Variants in ANXA6 observed in about 807,000 individuals in gnomAD.
ANXA6 encodes the protein annexin A6.
ANXA6 carries 71 observed loss-of-function variants against 95.4 expected under a neutral mutation model. The observed-to-expected ratio is 0.74, with a 90% CI of 0.61 to 0.91. The LOEUF (loss-of-function observed/expected upper bound fraction) is 0.91, where lower values mean the gene tolerates loss of function less well. Ranked by LOEUF, ANXA6 falls within the 40% of genes least tolerant of loss-of-function variation. The pLI, the probability that ANXA6 is intolerant of heterozygous loss-of-function variation, is 0.00. For missense variants in ANXA6, 830 were observed against 876.4 expected (o/e 0.95, Z 0.67); for synonymous variants, 289 against 315.9 (o/e 0.91, Z 0.90).
intron 1 of ANXA6, chr5:151,151,267 T>C (rs1444816821): frequency 6.6e-6 from 1 of 152,188 alleles, no homozygotes; most frequent in Non-Finnish European, 1.5e-5. Flanking sequence ...TGGCTTCTGA[T>C]CCCTCCCAGA....
intron 2 of ANXA6, among the ~76,000 whole-genome samples, chr5:151,143,841 C>T (rs1245974250): frequency 6.6e-6 from 1 of 152,044 alleles, no homozygotes; most frequent in Non-Finnish European, 1.5e-5. Flanking sequence ...CTGGAGGTGA[C>T]GTCTAAGCTG....
At chr5:151,136,761 A>G (rs757611569) in intron 6 of ANXA6, among the ~76,000 whole-genome samples, 3 of 152,026 alleles carry the variant, frequency 2.0e-5, no homozygotes, top group Non-Finnish European at 2.9e-5. Context: ...CCTGTCCTCT[A>G]CCTGTCTAGC....
Position 151,123,461 on chromosome 5 carries a change from G to A in ANXA6, c.1139-450C>T, listed in dbSNP as rs75128807. 8.3e-4 allele frequency among the ~76,000 whole-genome samples: 126 copies of A among 152,280 alleles called. 1 individual carries two copies. The East Asian group carries it at 0.023, about 28-fold the overall frequency. On this transcript the variant is annotated intron_variant, in intron 15 of 25. Transcript: ENST00000354546. ...TTTCTCTTCAGCTCTCTGGAAGCTG[G>A]ACCCTGAGTCCCTCTAACCACAGCA...
chr5:151,111,504 T>C (rs1764848629), intron 20 of ANXA6, among the ~76,000 whole-genome samples: 1 of 152,254 alleles, frequency 6.6e-6, no homozygotes, highest in Non-Finnish European at 1.5e-5. Context: ...TGCCATTTGA[T>C]CAAGCAATTA....
At chr5:151,131,418 G>T in intron 10 of ANXA6, 129 bp from the exon 11 acceptor site, 3 of 920,410 alleles carry the variant, frequency 3.3e-6, no homozygotes, top group Non-Finnish European at 5.3e-6. Flanking sequence ...CACCGTTCCT[G>T]ATAGCTCACA....
At chr5:151,134,926 A>T (rs1346777442) in intron 7 of ANXA6, among the ~76,000 whole-genome samples, 3 of 152,350 alleles carry the variant, frequency 2.0e-5, no homozygotes, top group Non-Finnish European at 4.4e-5. Context: ...CTTAACTTAA[A>T]GAATTCACCA....
At chr5:151,144,179 C>G (rs1259308130) in intron 2 of ANXA6, among the ~76,000 whole-genome samples, 1 of 152,194 alleles carries the variant, frequency 6.6e-6, no homozygotes, top group Non-Finnish European at 1.5e-5. Flanking sequence ...GGGCAAGACT[C>G]TAACATCCTA....
At chr5:151,143,817 T>C (rs1007504270) in intron 2 of ANXA6, among the ~76,000 whole-genome samples, 1 of 151,990 alleles carries the variant, frequency 6.6e-6, no homozygotes, top group African/African-American at 2.4e-5. Flanking sequence ...TCCAAGCAGA[T>C]CAGAGAAGGC....
chr5:151,112,717 G>T (rs903299929), intron 20 of ANXA6, among the ~76,000 whole-genome samples: 1 of 149,876 alleles, frequency 6.7e-6, no homozygotes, highest in Non-Finnish European at 1.5e-5. Context: ...CCAGCTACTT[G>T]GGGGGCTGAG....
intron 17 of ANXA6, among the ~76,000 whole-genome samples, chr5:151,119,614 C>T (rs1467335687): frequency 6.6e-6 from 1 of 152,198 alleles, no homozygotes; most frequent in Non-Finnish European, 1.5e-5. Context: ...TCCAGCCCCC[C>T]AAACAGAAAA....
At chr5:151,140,284 C>T in intron 2 of ANXA6, 41 bp from the exon 3 acceptor site, 1 of 1,574,554 alleles carries the variant, frequency 6.4e-7, no homozygotes, top group Non-Finnish European at 8.7e-7. Context: ...CAACCCCGGA[C>T]TGAGACCAAG....
chr5:151,128,288 C>T (rs1765386877), intron 12 of ANXA6, 49 bp from the exon 13 acceptor site: 4 of 1,518,730 alleles, frequency 2.6e-6, no homozygotes. Context: ...CTGGGCTCCT[C>T]TCAGACAAGG....
intron 20 of ANXA6, 75 bp from the exon 21 acceptor site, chr5:151,110,719 G>T: frequency 6.5e-7 from 1 of 1,549,832 alleles, no homozygotes; most frequent in Non-Finnish European, 8.9e-7. Context: ...GCTGGTGCTG[G>T]GGCCCTGGGG....
At chr5:151,143,091 T>G (rs1765880878) in intron 2 of ANXA6, among the ~76,000 whole-genome samples, 1 of 152,160 alleles carries the variant, frequency 6.6e-6, no homozygotes, top group Non-Finnish European at 1.5e-5. Flanking sequence ...ATGAGGAAGG[T>G]AGGTCTATTA....
chr5:151,122,364 C>T (rs1193554099), intron 16 of ANXA6, 104 bp from the exon 17 acceptor site: 2 of 664,150 alleles, frequency 3.0e-6, no homozygotes, highest in Non-Finnish European at 5.1e-6. Context: ...CATGAGGGAT[C>T]ATGGAAGCTT....
intron 2 of ANXA6, chr5:151,141,577 C>G: frequency 1.0e-6 from 1 of 985,480 alleles, no homozygotes; most frequent in Non-Finnish European, 1.2e-6. Context: ...TGGACCGCCT[C>G]CCCCTCTCCC....
rs574057748 is a variant in ANXA6, at chr5:151,133,477, G to A, written c.547-290C>T. Among the ~76,000 whole-genome samples, 10 of 152,270 alleles carry A rather than the reference G, an allele frequency of 6.6e-5. No homozygotes were observed. In the South Asian group the frequency reaches 1.7e-3, roughly 25 times the overall value. On this transcript the variant is annotated intron_variant, in intron 8 of 25. Coordinates refer to ENST00000354546, the MANE Select transcript of ANXA6 (RefSeq NM_001155.5). ...GTGGTATAGCCTATTGCTCCTAGGC[G>A]GCACACCTACCTGTTCAGCGTGTTA... is the stretch of plus-strand genomic sequence containing the variant.
chr5:151,111,766 T>G (rs914795291), intron 20 of ANXA6, among the ~76,000 whole-genome samples: 5 of 151,870 alleles, frequency 3.3e-5, no homozygotes, highest in Admixed American at 2.6e-4. Context: ...TTTTTTTATT[T>G]TTTGTAGAGA....
chr5:151,154,258 A>G (rs921192630), intron 1 of ANXA6, among the ~76,000 whole-genome samples: 4 of 149,646 alleles, frequency 2.7e-5, no homozygotes, highest in Admixed American at 6.7e-5. Context: ...TGGCCCCACA[A>G]AGCTGGTGAT....
Sources: gnomAD v4.1 joint callset for allele counts (sites outside exome capture counted in the v4.1 genomes callset) on GRCh38, gnomAD v4.1.1 for gene constraint, MANE v1.5 for transcripts, NCBI Gene and HGNC (gene_info 2026-07-23, HGNC 2026-07-21) for gene names.